Variants in TNIK observed in about 807,000 individuals in gnomAD.
TNIK encodes the protein TRAF2 and NCK interacting kinase, also known as TRAF2 and NCK-interacting protein kinase.
Under a neutral mutation model 191.3 loss-of-function variants are expected in TNIK, and 49 were observed. The ratio of observed to expected loss-of-function variants is 0.26; its 90% confidence interval spans 0.20 to 0.32. The LOEUF is 0.32. Ranked by LOEUF, TNIK falls within the 10% of genes least tolerant of loss-of-function variation. The pLI, the probability that TNIK is intolerant of heterozygous loss-of-function variation, is 1.00. For synonymous variants in TNIK, 594 were observed against 600.9 expected, an observed-to-expected ratio of 0.99 and a Z score of 0.17; for missense variants, 1,155 against 1,702.3, an observed-to-expected ratio of 0.68 and a Z score of 5.66.
rs558976435 is a variant in TNIK, at chr3:171,287,171, T to A, written c.124-58950A>T. Among the ~76,000 whole-genome samples, 11 of 152,142 alleles carry A rather than the reference T, an allele frequency of 7.2e-5. No homozygotes were observed. In the South Asian group the frequency reaches 2.1e-3, roughly 29 times the overall value. On this transcript the variant is annotated intron_variant, in intron 2 of 32. Transcript: ENST00000436636. ...ATGCTGCTGCAAATATTTCTTCCCA[T>A]AGGCCAACTGAAAAACTCAAAACAA...
intron 3 of TNIK, chr3:171,225,492 A>G (rs935069045): frequency 1.8e-5 from 8 of 453,474 alleles, no homozygotes; most frequent in African/African-American, 4.0e-5. Context: ...CATCCACTCT[A>G]TGTAATGGAT....
chr3:171,186,213 A>T (rs1737351370), intron 7 of TNIK, among the ~76,000 whole-genome samples: 1 of 152,244 alleles, frequency 6.6e-6, no homozygotes. Context: ...ATTCCTAAGG[A>T]TACTGAACAG....
chr3:171,239,870 C>T (rs1161185139), intron 2 of TNIK, among the ~76,000 whole-genome samples: 1 of 152,008 alleles, frequency 6.6e-6, no homozygotes, highest in Non-Finnish European at 1.5e-5. Context: ...GAAACCTGTA[C>T]TCTCCCATCA....
At chr3:171,127,953 C>T (rs1728711850) in intron 16 of TNIK, among the ~76,000 whole-genome samples, 1 of 151,886 alleles carries the variant, frequency 6.6e-6, no homozygotes, top group Non-Finnish European at 1.5e-5. Flanking sequence ...TCATGGAATT[C>T]CTTAATCTAT....
intron 7 of TNIK, among the ~76,000 whole-genome samples, chr3:171,180,088 C>A (rs1319664774): frequency 6.6e-6 from 1 of 152,174 alleles, no homozygotes; most frequent in African/African-American, 2.4e-5. Flanking sequence ...AAGCTTTGAG[C>A]TGGGTTGAAA....
At chr3:171,282,344 T>TTTTTTTTTTTTTTTG (rs1750548066) in intron 2 of TNIK, among the ~76,000 whole-genome samples, 1 of 142,202 alleles carries the variant, frequency 7.0e-6, no homozygotes, top group African/African-American at 2.6e-5. Flanking sequence ...GTTTTTTGTT[T>TTTTTTTTTTTTTTTG]TTTTTTTTTT....
chr3:171,177,054 T>C (rs1736047397), intron 8 of TNIK, among the ~76,000 whole-genome samples: 1 of 152,166 alleles, frequency 6.6e-6, no homozygotes, highest in Non-Finnish European at 1.5e-5. Flanking sequence ...GAATAAATGA[T>C]GTACAGAATC....
At chr3:171,202,757 C>T (rs545141330) in intron 4 of TNIK, among the ~76,000 whole-genome samples, 1 of 152,188 alleles carries the variant, frequency 6.6e-6, no homozygotes, top group Non-Finnish European at 1.5e-5. Context: ...TTTGTATCTA[C>T]GTAACTTACC....
intron 2 of TNIK, among the ~76,000 whole-genome samples, chr3:171,341,710 G>T (rs557297076): frequency 6.6e-6 from 1 of 152,200 alleles, no homozygotes; most frequent in South Asian, 2.1e-4. Context: ...TCAGGCACTG[G>T]TCTACGCAGT....
chr3:171,154,986 A>G (rs1160538785), intron 12 of TNIK, among the ~76,000 whole-genome samples: 1 of 152,224 alleles, frequency 6.6e-6, no homozygotes, highest in Non-Finnish European at 1.5e-5. Flanking sequence ...GGTTACTCAT[A>G]AATAGTAAAG....
chr3:171,253,950 A>G (rs1423484779), intron 2 of TNIK, among the ~76,000 whole-genome samples: 2 of 152,180 alleles, frequency 1.3e-5, no homozygotes, highest in African/African-American at 2.4e-5. Flanking sequence ...AACTAGCAAA[A>G]TTATGAAGTG....
In TNIK at chr3:171,240,884, G is replaced by A. The variant is rs182092281; in HGVS notation, c.124-12663C>T. ...AGGAGGGAAATGTCTTGAGGGCAGCGGCTTCTCTTTGTCTTGTTCACTATT... is the reference window on the plus strand; with the variant it reads ...AGGAGGGAAATGTCTTGAGGGCAGCAGCTTCTCTTTGTCTTGTTCACTATT... On this transcript the variant is annotated intron_variant, in intron 2 of 32. Transcript: ENST00000436636. Among the ~76,000 whole-genome samples the A allele has an allele frequency of 4.4e-3, 666 of 152,148 alleles. 8 individuals are homozygous for A. Among genetic ancestry groups the A allele is most frequent in the Admixed American group, 2.8e-3 (43 of 15,278 alleles).
intron 2 of TNIK, among the ~76,000 whole-genome samples, chr3:171,234,773 T>C (rs1212878118): frequency 6.6e-6 from 1 of 152,176 alleles, no homozygotes; most frequent in Non-Finnish European, 1.5e-5. Context: ...GCAGGGAGCC[T>C]AATGCCTGTA....
chr3:171,350,824 T>C (rs576165019), intron 2 of TNIK, among the ~76,000 whole-genome samples: 1 of 152,262 alleles, frequency 6.6e-6, no homozygotes, highest in East Asian at 1.9e-4. Context: ...GGTTAAGCAA[T>C]GAAGCCTAGG....
intron 28 of TNIK, among the ~76,000 whole-genome samples, chr3:171,078,563 CT>C (rs982390486): frequency 1.3e-5 from 2 of 151,368 alleles, no homozygotes; most frequent in Admixed American, 1.3e-4. Flanking sequence ...TTCTTGCTTC[CT>C]TCCTTTCTTT....
chr3:171,303,015 G>A (rs1280672243), intron 2 of TNIK, among the ~76,000 whole-genome samples: 1 of 152,184 alleles, frequency 6.6e-6, no homozygotes, highest in Non-Finnish European at 1.5e-5. Flanking sequence ...TAGGTTGTCA[G>A]TAATTACTTT....
chr3:171,204,473 T>A (rs1269375595), intron 4 of TNIK, among the ~76,000 whole-genome samples: 1 of 152,228 alleles, frequency 6.6e-6, no homozygotes, highest in Admixed American at 6.5e-5. Context: ...AGAGAATAAA[T>A]GTTAGAAAGT....
chr3:171,212,579 A>G (rs1382602671), intron 3 of TNIK, among the ~76,000 whole-genome samples: 2 of 152,118 alleles, frequency 1.3e-5, no homozygotes. Flanking sequence ...ATCATCATGT[A>G]TCTTTTCCTT....
intron 1 of TNIK, among the ~76,000 whole-genome samples, chr3:171,432,140 A>T (rs1363203839): frequency 1.3e-5 from 2 of 152,216 alleles, no homozygotes; most frequent in Non-Finnish European, 2.9e-5. Context: ...GAGGACACAA[A>T]TGAAAAGAAA....
Sources: allele counts gnomAD v4.1 joint callset (sites outside exome capture counted in the v4.1 genomes callset), GRCh38; gene constraint gnomAD v4.1.1; transcripts MANE v1.5; gene names NCBI Gene and HGNC (gene_info 2026-07-23, HGNC 2026-07-21).